The following ASIC2 variants were observed in gnomAD, a reference collection of about 807,000 sequenced individuals.
ASIC2 encodes acid sensing ion channel subunit 2.
In ASIC2, 25 loss-of-function variants were observed where a neutral mutation model predicts 57.3. The ratio of observed to expected loss-of-function variants is 0.44; its 90% CI spans 0.32 to 0.61. The LOEUF is 0.61. Ranked by LOEUF, ASIC2 falls within the 20% of genes least tolerant of loss-of-function variation. The pLI is 0.06. For synonymous variants in ASIC2, 319 were observed against 307.5 expected (o/e 1.04, Z -0.39); for missense variants, 641 against 738.1 (o/e 0.87, Z 1.52).
intron 1 of ASIC2, among the ~76,000 whole-genome samples, chr17:33,277,962 C>T (rs922191397): frequency 4.6e-5 from 7 of 152,128 alleles, no homozygotes; most frequent in Non-Finnish European, 7.3e-5. Context: ...AAAGAACAAG[C>T]GAATGAGTGA....
At chr17:33,955,321 T>C (rs574394858) in intron 1 of ASIC2, 4 of 152,378 alleles carry the variant, frequency 2.6e-5, no homozygotes, top group African/African-American at 9.6e-5. Flanking sequence ...CCCTTCTCTG[T>C]GCAGCTTTGT....
chr17:34,079,245 C>G (rs1048509574), intron 1 of ASIC2: 1 of 152,286 alleles, frequency 6.6e-6, no homozygotes, highest in East Asian at 1.9e-4. Context: ...CAGGCTCCAT[C>G]ACGCTTTGCC....
At chr17:33,867,309 TC>T (rs1914268237) in intron 1 of ASIC2, among the ~76,000 whole-genome samples, 1 of 152,206 alleles carries the variant, frequency 6.6e-6, no homozygotes, top group Non-Finnish European at 1.5e-5. Flanking sequence ...TCTTTCCTGA[TC>T]CCCTGTAATG....
chr17:33,970,483 A>G (rs916828749), intron 1 of ASIC2, among the ~76,000 whole-genome samples: 1 of 152,164 alleles, frequency 6.6e-6, no homozygotes, highest in Non-Finnish European at 1.5e-5. Context: ...GCCCTGATCT[A>G]TGGGCAGAGG....
At position 33,129,776 on chromosome 17, in the gene ASIC2, G is replaced by C. The variant is rs572458901; in HGVS notation, c.709-17709C>G. On this transcript the variant is annotated intron_variant, in intron 1 of 9. Transcript: ENST00000225823. ...AACACCTGAGCCCCTGTCCTGTCCT[G>C]TGGGACATGGGCCATACAGGGGATT... 5.1e-4 allele frequency among the ~76,000 whole-genome samples: 78 copies of C among 152,344 alleles called. No individual in the cohort carries two copies. In the South Asian group the frequency reaches 0.016, roughly 31 times the overall value.
intron 1 of ASIC2, among the ~76,000 whole-genome samples, chr17:33,365,154 C>CCTTTGTCCA (rs1908758854): frequency 1.3e-5 from 2 of 152,166 alleles, no homozygotes; most frequent in Non-Finnish European, 2.9e-5. Context: ...ACATACAGAA[C>CCTTTGTCCA]CCTCTGCCTT....
At chr17:33,080,776 C>T (rs577452957) in intron 3 of ASIC2, among the ~76,000 whole-genome samples, 50 of 152,240 alleles carry the variant, frequency 3.3e-4, no homozygotes, top group African/African-American at 1.2e-3. Context: ...GCTAAGTGAC[C>T]AGCAGGCGGG....
chr17:34,126,912 T>C (rs150975688), intron 1 of ASIC2, among the ~76,000 whole-genome samples: 520 of 152,192 alleles, frequency 3.4e-3, no homozygotes, highest in African/African-American at 0.012. Flanking sequence ...CCCGGGCACG[T>C]CCCTGGAAAA....
At chr17:33,581,638 A>G (rs1904444098) in intron 1 of ASIC2, among the ~76,000 whole-genome samples, 1 of 152,168 alleles carries the variant, frequency 6.6e-6, no homozygotes, top group Admixed American at 6.5e-5. Context: ...CCAGTTGCAA[A>G]GTTTTCTGGG....
chr17:33,559,698 T>C (rs1352574930), intron 1 of ASIC2, among the ~76,000 whole-genome samples: 2 of 152,198 alleles, frequency 1.3e-5, no homozygotes, highest in Non-Finnish European at 2.9e-5. Flanking sequence ...TCTGATCATA[T>C]CCAGTGCCCT....
At chr17:33,392,712 A>G (rs1402997277) in intron 1 of ASIC2, among the ~76,000 whole-genome samples, 1 of 152,186 alleles carries the variant, frequency 6.6e-6, no homozygotes, top group Non-Finnish European at 1.5e-5. Flanking sequence ...TAGGTCTTGC[A>G]CAGGAACCAA....
At chr17:33,413,340 G>A (rs1460579879) in intron 1 of ASIC2, among the ~76,000 whole-genome samples, 2 of 152,216 alleles carry the variant, frequency 1.3e-5, no homozygotes, top group African/African-American at 4.8e-5. Context: ...CTTGATTAAA[G>A]CCATTAGCAC....
At chr17:33,418,854 A>G (rs1419118706) in intron 1 of ASIC2, among the ~76,000 whole-genome samples, 1 of 152,070 alleles carries the variant, frequency 6.6e-6, no homozygotes, top group Non-Finnish European at 1.5e-5. Context: ...ACACAAGAAC[A>G]GAAAACCAAA....
chr17:33,718,718 G>A (rs1458706056), intron 1 of ASIC2, among the ~76,000 whole-genome samples: 1 of 152,220 alleles, frequency 6.6e-6, no homozygotes, highest in Non-Finnish European at 1.5e-5. Context: ...AAAGAGGTGG[G>A]AGGTGGGGGA....
At position 33,799,343 on chromosome 17, in the gene ASIC2, CCTCT is replaced by C. The variant is rs201313191; in HGVS notation, c.555+356631_555+356634del. Among the ~76,000 whole-genome samples the C allele has an allele frequency of 6.7e-3, 962 of 144,200 alleles. 6 individuals carry two copies. The highest frequency in any genetic ancestry group is 0.019 in the Middle Eastern group (5 of 260). The allele number at this position is 144,200 out of a possible 152,430, so 94.6% of individuals were successfully genotyped here. ...TTCCATTTTCCCTCCCTCTCTGTTT[CCTCT>C]CTTTCTCTTTCTTTCTTTCTTTCTT... On this transcript the variant is annotated intron_variant, in intron 1 of 9. Transcript: ENST00000359872.
intron 1 of ASIC2, among the ~76,000 whole-genome samples, chr17:33,892,561 C>G (rs1021028251): frequency 2.0e-5 from 3 of 152,186 alleles, no homozygotes; most frequent in Non-Finnish European, 4.4e-5. Context: ...CCACTTCGTG[C>G]CTTCCATATC....
At chr17:33,905,494 G>A (rs55869014) in intron 1 of ASIC2, among the ~76,000 whole-genome samples, 1 of 152,220 alleles carries the variant, frequency 6.6e-6, no homozygotes, top group Non-Finnish European at 1.5e-5. Context: ...GCTGGCTTCA[G>A]AGGCATGTGC....
intron 1 of ASIC2, among the ~76,000 whole-genome samples, chr17:33,144,168 A>AG (rs1904448979): frequency 6.6e-6 from 1 of 151,558 alleles, no homozygotes; most frequent in Non-Finnish European, 1.5e-5. Flanking sequence ...AAAAAAAAAA[A>AG]CGAAAAACAA....
intron 1 of ASIC2, among the ~76,000 whole-genome samples, chr17:34,048,901 A>G (rs1908437920): frequency 6.6e-6 from 1 of 152,256 alleles, no homozygotes; most frequent in Non-Finnish European, 1.5e-5. Flanking sequence ...AAAATTAAAT[A>G]TGATTTTAAT....
Sources: gnomAD v4.1 joint callset for allele counts (sites outside exome capture counted in the v4.1 genomes callset) on GRCh38, gnomAD v4.1.1 for gene constraint, MANE v1.5 for transcripts, NCBI Gene and HGNC (gene_info 2026-07-23, HGNC 2026-07-21) for gene names.